The following PPP2R2C variants were observed in gnomAD, a reference collection of about 807,000 sequenced individuals.
PPP2R2C encodes protein phosphatase 2 regulatory subunit Bgamma.
Under a neutral mutation model 45.3 loss-of-function variants are expected in PPP2R2C, and 10 were observed. That is an observed-to-expected ratio of 0.22 (90% CI 0.14 to 0.37). The LOEUF (loss-of-function observed/expected upper bound fraction) is 0.37. Ranked by LOEUF, PPP2R2C falls within the 10% of genes least tolerant of loss-of-function variation. The pLI, the probability that PPP2R2C is intolerant of heterozygous loss-of-function variation, is 1.00. For missense variants in PPP2R2C, 308 were observed against 619.7 expected (o/e 0.50, Z 5.34); for synonymous variants, 257 against 245.4 (o/e 1.05, Z -0.44).
chr4:6,463,046 C>G (rs1293454075), intron 1 of PPP2R2C, among the ~76,000 whole-genome samples: 1 of 152,128 alleles, frequency 6.6e-6, no homozygotes, highest in Non-Finnish European at 1.5e-5. Flanking sequence ...CACTTTGGCC[C>G]AGAAGTGGCA....
At chr4:6,531,897 C>A (rs1724415041) in intron 2 of PPP2R2C, among the ~76,000 whole-genome samples, 1 of 152,206 alleles carries the variant, frequency 6.6e-6, no homozygotes, top group Admixed American at 6.5e-5. Flanking sequence ...AGCTGGCAGA[C>A]ACCGGATGCC....
chr4:6,560,881 C>A (rs73086943), intron 1 of PPP2R2C, among the ~76,000 whole-genome samples: 1 of 152,208 alleles, frequency 6.6e-6, no homozygotes, highest in Non-Finnish European at 1.5e-5. Flanking sequence ...ACCTCCCCAA[C>A]CTGGGTTCTC....
intron 6 of PPP2R2C, 148 bp from the exon 7 acceptor site, chr4:6,333,879 G>A (rs1340158529): frequency 1.1e-4 from 91 of 854,410 alleles, no homozygotes; most frequent in Non-Finnish European, 1.6e-4. Context: ...ACACTTACCA[G>A]GGAACAAGCC....
At chr4:6,406,455 G>T (rs1038443390) in intron 1 of PPP2R2C, among the ~76,000 whole-genome samples, 1 of 152,256 alleles carries the variant, frequency 6.6e-6, no homozygotes, top group African/African-American at 2.4e-5. Context: ...TCTTGGCAGG[G>T]TGCAGGGCTC....
At chr4:6,434,639 A>G (rs1056237605) in intron 1 of PPP2R2C, among the ~76,000 whole-genome samples, 7 of 152,182 alleles carry the variant, frequency 4.6e-5, no homozygotes, top group Non-Finnish European at 1.0e-4. Context: ...GATTACAGGC[A>G]TGAGCCACCA....
At chr4:6,383,921 C>T in intron 1 of PPP2R2C, 1 of 986,548 alleles carries the variant, frequency 1.0e-6, no homozygotes, top group Non-Finnish European at 1.2e-6. Flanking sequence ...TCAATGCCAG[C>T]TTTGAGGCAA....
At chr4:6,428,744 G>A (rs1235386981) in intron 1 of PPP2R2C, among the ~76,000 whole-genome samples, 2 of 152,230 alleles carry the variant, frequency 1.3e-5, no homozygotes, top group African/African-American at 4.8e-5. Flanking sequence ...CTTGCTGAGT[G>A]TCTCTGTCTC....
At chr4:6,542,236 A>G (rs987163916) in intron 1 of PPP2R2C, among the ~76,000 whole-genome samples, 1 of 152,236 alleles carries the variant, frequency 6.6e-6, no homozygotes, top group African/African-American at 2.4e-5. Flanking sequence ...CATGCCGCAG[A>G]CAGAGGCCAC....
At chr4:6,473,687 G>A (rs556787770), upstream of PPP2R2C, among the ~76,000 whole-genome samples, 2 of 152,194 alleles carry the variant, frequency 1.3e-5, no homozygotes, top group Non-Finnish European at 2.9e-5. Flanking sequence ...AATGGTTCTG[G>A]GGGAACTCCA....
intron 2 of PPP2R2C, among the ~76,000 whole-genome samples, chr4:6,496,528 T>C (rs887361182): frequency 9.2e-5 from 14 of 152,154 alleles, no homozygotes; most frequent in Non-Finnish European, 1.6e-4. Flanking sequence ...GTGAGTCCAT[T>C]TGGAATCATG....
At chr4:6,455,212 C>T (rs1417143464) in intron 1 of PPP2R2C, among the ~76,000 whole-genome samples, 1 of 152,204 alleles carries the variant, frequency 6.6e-6, no homozygotes, top group African/African-American at 2.4e-5. Flanking sequence ...TTGATTTTTA[C>T]TCTACTAGAC....
chr4:6,551,735 T>G (rs954466142), intron 1 of PPP2R2C, among the ~76,000 whole-genome samples: 2 of 152,224 alleles, frequency 1.3e-5, no homozygotes, highest in Admixed American at 6.5e-5. Flanking sequence ...CAGCCCCTGC[T>G]GTCCCCACCA....
intron 1 of PPP2R2C, among the ~76,000 whole-genome samples, chr4:6,387,685 C>T (rs534586204): frequency 4.7e-4 from 71 of 151,892 alleles, no homozygotes; most frequent in Admixed American, 2.3e-3. Flanking sequence ...TGGTGGCGGG[C>T]GCCTGTAATC....
chr4:6,438,956 C>A (rs1370440417), intron 1 of PPP2R2C, among the ~76,000 whole-genome samples: 1 of 152,186 alleles, frequency 6.6e-6, no homozygotes, highest in South Asian at 2.1e-4. Flanking sequence ...CCAAGGACCT[C>A]AACACACACA....
chr4:6,533,040 G>C (rs1274559747), intron 2 of PPP2R2C, among the ~76,000 whole-genome samples: 1 of 152,322 alleles, frequency 6.6e-6, no homozygotes, highest in African/African-American at 2.4e-5. Context: ...GGTAAGCAGG[G>C]GGATGAGAGA....
At chr4:6,517,508 G>A (rs190139594) in intron 2 of PPP2R2C, among the ~76,000 whole-genome samples, 1 of 152,144 alleles carries the variant, frequency 6.6e-6, no homozygotes, top group South Asian at 2.1e-4. Context: ...CTCCCTACAC[G>A]TCAGGTGCTG....
chr4:6,410,807 C>T (rs1266674565), intron 1 of PPP2R2C, among the ~76,000 whole-genome samples: 1 of 152,098 alleles, frequency 6.6e-6, no homozygotes, highest in African/African-American at 2.4e-5. Context: ...ATCTTCACAA[C>T]AGCCCTATGG....
intron 1 of PPP2R2C, among the ~76,000 whole-genome samples, chr4:6,462,786 G>A (rs985330239): frequency 2.0e-5 from 3 of 152,246 alleles, no homozygotes; most frequent in Non-Finnish European, 4.4e-5. Flanking sequence ...ACGGGGAAAT[G>A]ACAGGAGTCT....
intron 1 of PPP2R2C, among the ~76,000 whole-genome samples, chr4:6,555,053 T>A (rs1284196256): frequency 6.6e-6 from 1 of 152,040 alleles, no homozygotes; most frequent in Non-Finnish European, 1.5e-5. Flanking sequence ...AAGTCCAAGA[T>A]CAAGATGCCA....
Sources: allele counts gnomAD v4.1 joint callset (sites outside exome capture counted in the v4.1 genomes callset), GRCh38; gene constraint gnomAD v4.1.1; transcripts MANE v1.5; gene names NCBI Gene and HGNC (gene_info 2026-07-23, HGNC 2026-07-21).